Variants in DNAI1 observed in about 807,000 individuals in gnomAD.
DNAI1 encodes the protein dynein, axonemal, intermediate polypeptide 1.
A neutral mutation model predicts 92.0 loss-of-function variants in DNAI1; 67 were observed. The observed-to-expected ratio is 0.73, with a 90% CI of 0.60 to 0.89. The LOEUF (loss-of-function observed/expected upper bound fraction) is 0.89, where lower values mean the gene tolerates loss of function less well. Among genes scored for constraint, DNAI1 ranks in the 40% least tolerant of loss-of-function variants. DNAI1 has a pLI of 0.00. For missense variants in DNAI1, 839 were observed against 866.6 expected, an observed-to-expected ratio of 0.97 and a Z score of 0.40; for synonymous variants, 323 against 319.6, an observed-to-expected ratio of 1.01 and a Z score of -0.11.
intron 10 of DNAI1, among the ~76,000 whole-genome samples, chr9:34,500,480 C>T (rs557250357): frequency 3.3e-5 from 5 of 152,268 alleles, no homozygotes; most frequent in South Asian, 2.1e-4. Flanking sequence ...CCAACAACAA[C>T]GACAGTAACA....
At chr9:34,485,406 G>A (rs781077267) in intron 3 of DNAI1, 31 bp from the exon 4 acceptor site, 10 of 1,609,814 alleles carry the variant, frequency 6.2e-6, no homozygotes, top group Non-Finnish European at 6.8e-6. Flanking sequence ...GGGTCTTCAT[G>A]TATGACCCTC....
At chr9:34,512,860 C>A (rs1446902450) in intron 15 of DNAI1, among the ~76,000 whole-genome samples, 1 of 152,200 alleles carries the variant, frequency 6.6e-6, no homozygotes, top group Non-Finnish European at 1.5e-5. Flanking sequence ...CCTTGTTTAC[C>A]CAGGCCCCCA....
Position 34,459,042 on chromosome 9 carries a change from C to T in DNAI1, c.37C>T (p.Pro13Ser), listed in dbSNP as rs1348588174. 6.2e-7 allele frequency: 1 copy of T among 1,614,012 alleles called. No homozygotes were observed. The highest frequency in any genetic ancestry group is 8.5e-7 in the Non-Finnish European group (1 of 1,179,972). The change falls in exon 1 of 20, where the codon CCT (proline) becomes TCT (serine). Residue 13 changes from proline to serine, a missense_variant. Physicochemically the swap from Pro to Ser is moderately conservative, Grantham distance 74. Coordinates refer to ENST00000242317, the MANE Select transcript of DNAI1 (RefSeq NM_012144.4). ...PASAKAPHKQ[P>S]HKQSISIGRG... ...TTCTGCGAAGGCTCCCCATAAACAGCCTCATAAGCAGGTAACGTACGCACA... is the reference window on the plus strand; with the variant it reads ...TTCTGCGAAGGCTCCCCATAAACAGTCTCATAAGCAGGTAACGTACGCACA...
intron 16 of DNAI1, 26 bp from the exon 17 acceptor site, chr9:34,514,368 C>T (rs761338753): frequency 6.2e-7 from 1 of 1,611,954 alleles, no homozygotes; most frequent in East Asian, 2.2e-5. Flanking sequence ...TCTCTCACTT[C>T]TGACCCCCGT....
In DNAI1 at chr9:34,520,730, G is replaced by C. The variant is rs1433242022; in HGVS notation, c.2074G>C (p.Val692Leu). Reference sequence around the variant, plus strand: ...GAAACTGGACAAACTGCTGAACCTGGTGAGGGAAGTGAAAATCAAGACCTG... The same window carrying C: ...GAAACTGGACAAACTGCTGAACCTGCTGAGGGAAGTGAAAATCAAGACCTG... ...IAKLDKLLNL[V>L]REVKIKT is the part of the protein sequence containing the mutation. Residue 692 changes from valine (V) to leucine (L), a missense_variant, in exon 20 of 20, where the codon GTG becomes CTG. Val to Leu is a conservative substitution (Grantham distance 32). Coordinates refer to ENST00000242317, the MANE Select transcript of DNAI1 (RefSeq NM_012144.4). The C allele has an allele frequency of 1.9e-6, 3 of 1,551,582 alleles. No homozygotes were observed. Among genetic ancestry groups the C allele is most frequent in the Non-Finnish European group, 2.6e-6 (3 of 1,146,988 alleles).
chr9:34,516,466 A>G (rs1825172361), intron 18 of DNAI1, among the ~76,000 whole-genome samples: 1 of 152,152 alleles, frequency 6.6e-6, no homozygotes, highest in Admixed American at 6.5e-5. Context: ...GGGTGTGGTG[A>G]AGGTAGCATC....
rs1229575340 is a variant in DNAI1 at position 34,517,359 on chromosome 9, G to C, written c.1893G>C (p.Arg631Ser). 6.2e-7 allele frequency: 1 copy of C among 1,614,130 alleles called. No homozygotes were observed. The highest frequency in any genetic ancestry group is 1.1e-5 in the South Asian group (1 of 91,074). ...CNQPVAAKKN[R>S]LTHVQFNLIH... ...AGCCTGTGGCGGCCAAAAAGAACAGGCTCACCCACGTGCAGTTCAATCTCA... is the reference window on the plus strand; with the variant it reads ...AGCCTGTGGCGGCCAAAAAGAACAGCCTCACCCACGTGCAGTTCAATCTCA... Residue 631 changes from arginine (R) to serine (S), a missense_variant, in exon 19 of 20, where the codon AGG becomes AGC. Physicochemically the swap from Arg to Ser is moderately radical, Grantham distance 110 (BLOSUM62 -1). Transcript: ENST00000242317.
At chr9:34,512,314 C>T in intron 14 of DNAI1, 23 bp from the exon 15 acceptor site, 1 of 1,613,870 alleles carries the variant, frequency 6.2e-7, no homozygotes, top group Non-Finnish European at 8.5e-7. Context: ...CTCCCCCCCA[C>T]ATCCCTCTGT....
Position 34,490,053 on chromosome 9 carries a change from C to G in DNAI1, c.430C>G (p.Leu144Val), listed in dbSNP as rs748568486. Residue 144 changes from leucine to valine, a missense_variant, in exon 6 of 20, where the codon CTC (leucine) becomes GTC (valine). Coordinates refer to ENST00000242317, the MANE Select transcript of DNAI1 (RefSeq NM_012144.4). ...SVKVISETGNLEEDEEPKELE... is the reference protein window; with the variant it reads ...SVKVISETGNVEEDEEPKELE... ...CAAGGTGATTTCAGAAACAGGAAAC[C>G]TCGAAGAAGACGAAGAGCCCAAGGA... The G allele has an allele frequency of 1.2e-6, 2 of 1,614,170 alleles. No homozygotes were observed. Among genetic ancestry groups the G allele is most frequent in the South Asian group, 2.2e-5 (2 of 91,072 alleles).
In DNAI1 at chr9:34,500,212, T is replaced by C. The variant is rs148726079; in HGVS notation, c.902-510T>C. The stretch of plus-strand genomic sequence containing the variant: ...ACAATTTTGTGGGCAGGAGATGAAG[T>C]TGGGTTCAGAGAACCCATGGGGGAT... On this transcript the variant is annotated intron_variant, in intron 10 of 19. Transcript: ENST00000242317. Among the ~76,000 whole-genome samples, 196 of 152,306 alleles carry C rather than the reference T, an allele frequency of 1.3e-3. 1 individual carries two copies. In the East Asian group the frequency reaches 0.028, roughly 22 times the overall value.
chr9:34,516,099 A>G (rs553601895), intron 18 of DNAI1, among the ~76,000 whole-genome samples: 1 of 152,316 alleles, frequency 6.6e-6, no homozygotes, highest in East Asian at 1.9e-4. Context: ...GACTGGCAAG[A>G]AGGAGGCAGC....
chr9:34,494,542 G>C (rs1824677799), intron 9 of DNAI1, among the ~76,000 whole-genome samples: 1 of 152,124 alleles, frequency 6.6e-6, no homozygotes, highest in South Asian at 2.1e-4. Flanking sequence ...ATCCATCAGG[G>C]GTTATAAGCT....
intron 1 of DNAI1, among the ~76,000 whole-genome samples, chr9:34,474,353 C>T (rs1437078191): frequency 6.6e-6 from 1 of 151,112 alleles, no homozygotes; most frequent in African/African-American, 2.4e-5. Flanking sequence ...TCCCACCTCA[C>T]CCTTCTGAGT....
rs751375253 is a variant in DNAI1 at position 34,512,105 on chromosome 9, T to G, written c.1312-4T>G. The G allele has an allele frequency of 3.7e-6, 6 of 1,614,066 alleles. No individual in the cohort carries two copies. Among genetic ancestry groups the G allele is most frequent in the Middle Eastern group, 1.6e-4 (1 of 6,062 alleles). ...CCCAGAGCTCACATTTTGGGATGTT[T>G]CAGGTCAAGTGGCAGAAGGATGACA... On this transcript the variant is annotated splice_region_variant and splice_polypyrimidine_tract_variant and intron_variant, in intron 13 of 19. Transcript: ENST00000242317.
chr9:34,483,449 G>A lies in DNAI1; in HGVS notation c.50G>A (p.Ser17Asn), dbSNP rs1824413209. ...TTCTGTTTTCTGTTCTTCATTTAGAGCATCAGCATAGGCAGAGGAACCAGG... is the reference window on the plus strand; with the variant it reads ...TTCTGTTTTCTGTTCTTCATTTAGAACATCAGCATAGGCAGAGGAACCAGG... ...KAPHKQPHKQ[S>N]ISIGRGTRKR... The change falls in exon 2 of 20, where the codon AGC becomes AAC. Residue 17 changes from serine (S) to asparagine (N), a missense_variant and splice_region_variant. By Grantham distance (46) the Ser-to-Asn change is conservative. Coordinates refer to ENST00000242317, the MANE Select transcript of DNAI1 (RefSeq NM_012144.4). 1.9e-6 allele frequency: 3 copies of A among 1,611,890 alleles called. No individual in the cohort carries two copies. Among genetic ancestry groups the A allele is most frequent in the African/African-American group, 1.3e-5 (1 of 74,928 alleles).
chr9:34,508,511 A>G (rs557376838), intron 13 of DNAI1, among the ~76,000 whole-genome samples: 6 of 152,216 alleles, frequency 3.9e-5, no homozygotes, highest in Admixed American at 6.5e-5. Context: ...GCAGGGAAGG[A>G]TCTCTGTAGA....
At chr9:34,483,599 A>G in intron 2 of DNAI1, 119 bp downstream of exon 2, 1 of 938,702 alleles carries the variant, frequency 1.1e-6, no homozygotes, top group Non-Finnish European at 1.6e-6. Context: ...TGTTAAAATC[A>G]CCCTTAAACC....
intron 1 of DNAI1, among the ~76,000 whole-genome samples, chr9:34,472,150 A>G (rs944375012): frequency 8.5e-5 from 13 of 152,212 alleles, no homozygotes; most frequent in Non-Finnish European, 1.6e-4. Flanking sequence ...AAATGTCTAC[A>G]TTGCCACTAG....
chr9:34,468,544 G>A (rs1018263253), intron 1 of DNAI1, among the ~76,000 whole-genome samples: 2 of 151,918 alleles, frequency 1.3e-5, no homozygotes, highest in Non-Finnish European at 2.9e-5. Context: ...AAGAGAGCCT[G>A]GCTGGGCATG....
Sources: gnomAD v4.1 joint callset for allele counts (sites outside exome capture counted in the v4.1 genomes callset) on GRCh38, gnomAD v4.1.1 for gene constraint, MANE v1.5 for transcripts, NCBI Gene and HGNC (gene_info 2026-07-23, HGNC 2026-07-21) for gene names.